Variants in CCSER1 observed in about 807,000 individuals in gnomAD.
CCSER1 encodes serine-rich coiled-coil domain-containing protein 1.
In CCSER1, 41 loss-of-function variants were observed where a neutral mutation model predicts 82.0. That is an observed-to-expected ratio of 0.50 (90% CI 0.39 to 0.65). The LOEUF (loss-of-function observed/expected upper bound fraction) is 0.65. Ranked by LOEUF, CCSER1 falls within the 30% of genes least tolerant of loss-of-function variation. CCSER1 has a pLI of 0.00. For synonymous variants in CCSER1, 414 were observed against 383.9 expected (o/e 1.08, Z -0.92); for missense variants, 1,119 against 1,064.2 (o/e 1.05, Z -0.72).
chr4:91,166,202 A>G (rs563709393), intron 10 of CCSER1, among the ~76,000 whole-genome samples: 130 of 152,346 alleles, frequency 8.5e-4, no homozygotes, highest in African/African-American at 3.1e-3. Flanking sequence ...GATAAATGAT[A>G]TTTCAAGAGG....
At chr4:90,500,412 A>G (rs1444636750) in intron 5 of CCSER1, among the ~76,000 whole-genome samples, 1 of 152,032 alleles carries the variant, frequency 6.6e-6, no homozygotes, top group Non-Finnish European at 1.5e-5. Context: ...GCTCACTGCA[A>G]CTTCCATCTC....
At chr4:91,237,830 T>G (rs1433783530) in intron 10 of CCSER1, among the ~76,000 whole-genome samples, 1 of 152,228 alleles carries the variant, frequency 6.6e-6, no homozygotes, top group Non-Finnish European at 1.5e-5. Context: ...CTTCTCTCCC[T>G]AGAATCTTTA....
intron 9 of CCSER1, among the ~76,000 whole-genome samples, chr4:90,963,633 G>T (rs1344456729): frequency 6.6e-6 from 1 of 151,990 alleles, no homozygotes; most frequent in East Asian, 1.9e-4. Context: ...GGCACAGTGA[G>T]AAGGCAGCCA....
At chr4:91,020,094 A>G (rs1739794614) in intron 9 of CCSER1, among the ~76,000 whole-genome samples, 1 of 152,212 alleles carries the variant, frequency 6.6e-6, no homozygotes, top group Non-Finnish European at 1.5e-5. Flanking sequence ...GGGGGAAAAC[A>G]ATGAATAAAA....
At chr4:91,153,261 G>C (rs955039320) in intron 10 of CCSER1, among the ~76,000 whole-genome samples, 2 of 151,750 alleles carry the variant, frequency 1.3e-5, no homozygotes, top group Non-Finnish European at 2.9e-5. Context: ...TCATTCATTT[G>C]ATCTTCAATT....
chr4:90,408,037 C>T (rs754678101), intron 4 of CCSER1, among the ~76,000 whole-genome samples: 5 of 152,192 alleles, frequency 3.3e-5, no homozygotes, highest in Non-Finnish European at 7.3e-5. Context: ...TCACTCATTG[C>T]TAGCACAGCA....
At chr4:91,231,102 C>T (rs909708677) in intron 10 of CCSER1, among the ~76,000 whole-genome samples, 15 of 151,690 alleles carry the variant, frequency 9.9e-5, no homozygotes, top group Non-Finnish European at 1.9e-4. Context: ...TAATGAGAAT[C>T]CTTATCAAAA....
chr4:91,393,187 G>T (rs1255900344), intron 10 of CCSER1, among the ~76,000 whole-genome samples: 1 of 151,710 alleles, frequency 6.6e-6, no homozygotes, highest in East Asian at 1.9e-4. Context: ...GATATTATTG[G>T]TATTATAAAT....
intron 10 of CCSER1, among the ~76,000 whole-genome samples, chr4:91,244,612 G>A (rs1033678324): frequency 2.0e-5 from 3 of 152,208 alleles, no homozygotes; most frequent in African/African-American, 7.2e-5. Flanking sequence ...AAAATTCACA[G>A]CATTATAGGG....
chr4:91,450,652 G>C (rs1485241757), intron 10 of CCSER1, among the ~76,000 whole-genome samples: 1 of 151,992 alleles, frequency 6.6e-6, no homozygotes, highest in Non-Finnish European at 1.5e-5. Flanking sequence ...AGGAGACAGA[G>C]TATTTGGGGA....
chr4:90,604,084 G>C (rs912469253), intron 5 of CCSER1, among the ~76,000 whole-genome samples: 2 of 152,166 alleles, frequency 1.3e-5, no homozygotes, highest in South Asian at 4.1e-4. Context: ...GTCAATGTAA[G>C]TCTATGAAAT....
Position 91,339,945 on chromosome 4 carries a change from C to T in CCSER1, c.2217+253951C>T, listed in dbSNP as rs557988426. 1.5e-4 allele frequency among the ~76,000 whole-genome samples: 23 copies of T among 152,030 alleles called. 1 individual carries two copies. The South Asian group carries it at 4.6e-3, about 30-fold the overall frequency. ...CAGCCTGATCAACATGGTGAAACCC[C>T]ATCTCTACTAAAAATACAAAAATTA... On this transcript the variant is annotated intron_variant, in intron 10 of 10. Transcript: ENST00000509176.
intron 7 of CCSER1, among the ~76,000 whole-genome samples, chr4:90,764,498 T>C (rs1244827990): frequency 7.9e-5 from 12 of 152,112 alleles, no homozygotes; most frequent in Non-Finnish European, 8.8e-5. Flanking sequence ...GAGACATCAA[T>C]TGTCACCCAA....
intron 10 of CCSER1, among the ~76,000 whole-genome samples, chr4:91,435,242 C>G (rs1417796814): frequency 2.6e-5 from 4 of 152,044 alleles, no homozygotes; most frequent in African/African-American, 7.2e-5. Flanking sequence ...GAGTTTGAGA[C>G]CAGCGTAGAC....
intron 1 of CCSER1, among the ~76,000 whole-genome samples, chr4:90,239,813 A>G (rs1230921686): frequency 1.3e-5 from 2 of 152,120 alleles, no homozygotes; most frequent in Admixed American, 6.6e-5. Flanking sequence ...TGTAGCTTGT[A>G]ATTATTTCCA....
chr4:91,333,666 A>G lies in CCSER1; in HGVS notation c.2217+247672A>G, dbSNP rs149157250. 1.9e-3 allele frequency among the ~76,000 whole-genome samples: 291 copies of G among 152,178 alleles called. 7 individuals carry two copies. The East Asian group carries it at 0.035, about 18-fold the overall frequency. On this transcript the variant is annotated intron_variant, in intron 10 of 10. Coordinates refer to ENST00000509176, the MANE Select transcript of CCSER1 (RefSeq NM_001145065.2). ...ACAAATCAATAATATTAATAGTGGG[A>G]CCATGTAAACAATACATAAATATAA...
intron 4 of CCSER1, among the ~76,000 whole-genome samples, chr4:90,419,456 A>C (rs1427597219): frequency 1.3e-5 from 2 of 151,938 alleles, no homozygotes; most frequent in African/African-American, 4.8e-5. Context: ...GAGGGAGCAA[A>C]TACTCTGGTT....
intron 10 of CCSER1, among the ~76,000 whole-genome samples, chr4:91,564,677 A>C (rs1048511127): frequency 6.6e-6 from 1 of 151,774 alleles, no homozygotes; most frequent in Non-Finnish European, 1.5e-5. Flanking sequence ...TGTTGGCCAC[A>C]TGTGTGCCTT....
At chr4:91,412,464 T>C (rs1274892332) in intron 10 of CCSER1, among the ~76,000 whole-genome samples, 1 of 151,892 alleles carries the variant, frequency 6.6e-6, no homozygotes, top group African/African-American at 2.4e-5. Context: ...ATCTGTGAAA[T>C]TGGTAACAAG....
Sources: allele counts gnomAD v4.1 joint callset (sites outside exome capture counted in the v4.1 genomes callset), GRCh38; gene constraint gnomAD v4.1.1; transcripts MANE v1.5; gene names NCBI Gene and HGNC (gene_info 2026-07-23, HGNC 2026-07-21).